Variants in ABCA12 observed in about 807,000 individuals in gnomAD.
ABCA12 encodes ATP binding cassette subfamily A member 12.
Under a neutral mutation model 293.5 loss-of-function variants are expected in ABCA12, and 156 were observed. The observed-to-expected ratio is 0.53, with a 90% CI of 0.47 to 0.61. The LOEUF is 0.61. Among genes scored for constraint, ABCA12 ranks in the 20% least tolerant of loss-of-function variants. ABCA12 has a pLI of 0.00. For missense variants in ABCA12, 2,797 were observed against 3,090.2 expected, an observed-to-expected ratio of 0.91 and a Z score of 2.25; for synonymous variants, 1,063 against 1,108.0, an observed-to-expected ratio of 0.96 and a Z score of 0.81.
intron 50 of ABCA12, among the ~76,000 whole-genome samples, chr2:214,941,744 C>CTGTT (rs1044071933): frequency 6.7e-6 from 1 of 148,580 alleles, no homozygotes; most frequent in African/African-American, 2.5e-5. Flanking sequence ...GGTTTAAAGT[C>CTGTT]TGTTTGTTTT....
intron 1 of ABCA12, among the ~76,000 whole-genome samples, chr2:215,113,139 A>G (rs950806985): frequency 1.3e-5 from 2 of 152,138 alleles, no homozygotes; most frequent in Non-Finnish European, 1.5e-5. Flanking sequence ...TCTTCAATTC[A>G]CCAAAGCAAT....
Position 215,019,788 on chromosome 2 carries a change from T to C in ABCA12, c.1296A>G (p.Gln432=), listed in dbSNP as rs149243979. ...VPEVLKSKLS[Q]LRNLTELLCE... is the part of the protein sequence containing the mutation. ...AAAGAAGTTCGGTCAAGTTTCGAAG[T>C]TGAGACAGCTTTCCAAAAAGGGAAA... is the stretch of plus-strand genomic sequence containing the variant. The change falls in exon 12 of 53, where the codon CAA becomes CAG. Residue 432 remains glutamine (Q), a synonymous_variant. Coordinates refer to ENST00000272895, the MANE Select transcript of ABCA12 (RefSeq NM_173076.3). The C allele has an allele frequency of 6.4e-4, 1,033 of 1,611,634 alleles. 4 individuals are homozygous for C. Among genetic ancestry groups the C allele is most frequent in the South Asian group, 1.3e-3 (115 of 91,068 alleles).
At chr2:215,075,246 G>A (rs1701812850) in intron 2 of ABCA12, among the ~76,000 whole-genome samples, 1 of 152,046 alleles carries the variant, frequency 6.6e-6, no homozygotes, top group Non-Finnish European at 1.5e-5. Flanking sequence ...TGCCAATTTG[G>A]GCCACCATCA....
chr2:215,090,779 AC>A (rs1014200925), intron 2 of ABCA12, among the ~76,000 whole-genome samples: 3 of 151,204 alleles, frequency 2.0e-5, no homozygotes, highest in Non-Finnish European at 4.4e-5. Flanking sequence ...CCATGTCTCT[AC>A]CCTCTTTTAT....
At chr2:215,124,778 C>T (rs111776413) in intron 1 of ABCA12, among the ~76,000 whole-genome samples, 1 of 152,050 alleles carries the variant, frequency 6.6e-6, no homozygotes, top group African/African-American at 2.4e-5. Context: ...GCTGACTGTT[C>T]CTTTTGCTGT....
intron 1 of ABCA12, among the ~76,000 whole-genome samples, chr2:215,112,737 C>A (rs1702603362): frequency 6.6e-6 from 1 of 151,984 alleles, no homozygotes; most frequent in Non-Finnish European, 1.5e-5. Context: ...ACCTTGTGAT[C>A]CACCTGCCTC....
Position 214,982,200 on chromosome 2 carries a change from G to A in ABCA12, c.4566C>T (p.Ser1522=). Reference sequence around the variant, plus strand: ...AACTACTCATACCAGTTTTGTTCTTGGATATAACATCCCATATACTTCGGC... The same window carrying A: ...AACTACTCATACCAGTTTTGTTCTTAGATATAACATCCCATATACTTCGGC... ...CSRRSIWDVI[S]KNKTARTIIL... The change falls in exon 30 of 53, where the codon TCC becomes TCT. Residue 1522 remains serine, a synonymous_variant. Transcript: ENST00000272895. 1 of 1,613,676 alleles carries A rather than the reference G, an allele frequency of 6.2e-7. No homozygotes were observed. The highest frequency in any genetic ancestry group is 8.5e-7 in the Non-Finnish European group (1 of 1,179,878).
At chr2:215,071,446 G>C in intron 2 of ABCA12, among the ~76,000 whole-genome samples, 1 of 151,922 alleles carries the variant, frequency 6.6e-6, no homozygotes, top group East Asian at 1.9e-4. Flanking sequence ...TAAAATGCCA[G>C]AGATGGATCT....
At position 214,934,046 on chromosome 2, in the gene ABCA12, G is replaced by A. The variant is rs149826186; in HGVS notation, c.7680+32C>T. 989 of 1,596,242 alleles carry A rather than the reference G, an allele frequency of 6.2e-4. 4 individuals are homozygous for A. The African/African-American group carries it at 0.01, about 17-fold the overall frequency. On this transcript the variant is annotated intron_variant, in intron 52 of 52. Transcript: ENST00000272895. ...ATGAATAATAATATTAATATGTGAC[G>A]TTGTGCACATGGATCGTGGTATATA...
At chr2:215,116,583 A>G (rs1184158552) in intron 1 of ABCA12, among the ~76,000 whole-genome samples, 7 of 152,136 alleles carry the variant, frequency 4.6e-5, no homozygotes, top group Non-Finnish European at 1.0e-4. Context: ...AATAAAATAT[A>G]TTTAATTAAA....
intron 29 of ABCA12, among the ~76,000 whole-genome samples, chr2:214,982,888 A>G (rs892492908): frequency 6.6e-6 from 1 of 152,206 alleles, no homozygotes; most frequent in Non-Finnish European, 1.5e-5. Flanking sequence ...AGTGAATATA[A>G]GATAAGGAGT....
chr2:215,010,198 T>G, intron 18 of ABCA12, 133 bp downstream of exon 18: 2 of 1,191,500 alleles, frequency 1.7e-6, no homozygotes, highest in Non-Finnish European at 2.4e-6. Context: ...TACTAATAGT[T>G]TCAGAAAGCC....
chr2:215,057,591 TAACTTTTATCTGTTTATGA>T (rs1447235571), intron 3 of ABCA12, among the ~76,000 whole-genome samples: 2 of 86,726 alleles, frequency 2.3e-5, no homozygotes, highest in East Asian at 8.7e-4. Context: ...TGAGTTTATG[TAACTTTTATCTGTTTATGA>T]GATAAATATT....
At chr2:215,025,616 T>C (rs1700722122) in intron 11 of ABCA12, 57 bp downstream of exon 11, 2 of 1,127,548 alleles carry the variant, frequency 1.8e-6, no homozygotes, top group Non-Finnish European at 2.5e-6. Context: ...TTTTTGTTTG[T>C]TTTGTCTTTT....
intron 3 of ABCA12, among the ~76,000 whole-genome samples, chr2:215,061,956 T>C (rs1205073884): frequency 6.6e-6 from 1 of 152,072 alleles, no homozygotes; most frequent in African/African-American, 2.4e-5. Context: ...ATTATGTCCC[T>C]TATAGTTCTT....
Position 214,932,452 on chromosome 2 carries a change from C to G in ABCA12, c.*182G>C. The stretch of plus-strand genomic sequence containing the variant: ...AATTCATTTCAGTAGCAACAACACT[C>G]ACTGACCTTAGAAGGAAAAATTTCC... On this transcript the variant is annotated 3_prime_UTR_variant, in exon 53 of 53. Coordinates refer to ENST00000272895, the MANE Select transcript of ABCA12 (RefSeq NM_173076.3). 8.2e-6 allele frequency: 5 copies of G among 611,096 alleles called. No homozygotes were observed. Among genetic ancestry groups the G allele is most frequent in the Non-Finnish European group, 1.5e-5 (5 of 342,864 alleles). 37.9% of individuals were successfully genotyped at this position (611,096 alleles called of 1,614,324 possible). A position where few individuals can be genotyped will look rare whatever the true frequency, so the allele number is the denominator to read the frequency against.
At chr2:215,060,916 T>G (rs1701514926) in intron 3 of ABCA12, among the ~76,000 whole-genome samples, 2 of 152,118 alleles carry the variant, frequency 1.3e-5, no homozygotes, top group South Asian at 4.1e-4. Flanking sequence ...CATGAATGAG[T>G]GTCAACAGAA....
intron 39 of ABCA12, chr2:214,960,643 T>C (rs1200443118): frequency 2.0e-5 from 3 of 152,126 alleles, no homozygotes; most frequent in South Asian, 2.1e-4. Context: ...ATTAATATTT[T>C]TCTTACATAT....
At chr2:215,118,528 C>A (rs769495130) in intron 1 of ABCA12, among the ~76,000 whole-genome samples, 3 of 152,128 alleles carry the variant, frequency 2.0e-5, no homozygotes, top group Non-Finnish European at 4.4e-5. Context: ...GAAGAGTTTT[C>A]ATTCCCCTTC....
Sources: gnomAD v4.1 joint callset for allele counts (sites outside exome capture counted in the v4.1 genomes callset) on GRCh38, gnomAD v4.1.1 for gene constraint, MANE v1.5 for transcripts, NCBI Gene and HGNC (gene_info 2026-07-23, HGNC 2026-07-21) for gene names.